The following GATAD2A variants were observed in gnomAD, a reference collection of about 807,000 sequenced individuals.
The protein encoded by GATAD2A is GATA zinc finger domain containing 2A, also known as transcriptional repressor p66-alpha.
GATAD2A carries 12 observed loss-of-function variants against 68.5 expected under a neutral mutation model. That is an observed-to-expected ratio of 0.18 (90% confidence interval 0.11 to 0.28). GATAD2A has a LOEUF of 0.28. Ranked by LOEUF, GATAD2A falls within the 10% of genes least tolerant of loss-of-function variation. The pLI is 1.00. For missense variants in GATAD2A, 755 were observed against 868.5 expected (o/e 0.87, Z 1.64); for synonymous variants, 410 against 375.3 (o/e 1.09, Z -1.07).
intron 1 of GATAD2A, among the ~76,000 whole-genome samples, chr19:19,389,910 A>ATG (rs2048722380): frequency 6.6e-6 from 1 of 152,048 alleles, no homozygotes; most frequent in African/African-American, 2.4e-5. Flanking sequence ...CCACAGGCGC[A>ATG]TGCCACCACG....
chr19:19,447,141 G>A (rs2055817941), intron 1 of GATAD2A, among the ~76,000 whole-genome samples: 1 of 152,182 alleles, frequency 6.6e-6, no homozygotes, highest in African/African-American at 2.4e-5. Flanking sequence ...GTGGTGATGA[G>A]GCAGGAAAGG....
chr19:19,409,014 CTT>C (rs5827448), intron 1 of GATAD2A, among the ~76,000 whole-genome samples: 16 of 116,480 alleles, frequency 1.4e-4, no homozygotes, highest in Admixed American at 1.8e-4. Context: ...GAAATGTTGG[CTT>C]TTTTTTTTTT....
At chr19:19,391,269 G>A (rs1305784176) in intron 1 of GATAD2A, among the ~76,000 whole-genome samples, 1 of 152,144 alleles carries the variant, frequency 6.6e-6, no homozygotes, top group African/African-American at 2.4e-5. Context: ...TCCTATGTTT[G>A]AAGAAAGGGT....
intron 4 of GATAD2A, 104 bp downstream of exon 4, chr19:19,492,816 AGGGAGTATAG>A: frequency 9.0e-7 from 1 of 1,110,120 alleles, no homozygotes; most frequent in Non-Finnish European, 1.3e-6. Context: ...GGCTTCCTTG[AGGGAGTATAG>A]GGCAAGGTCC....
chr19:19,496,192 C>T lies in GATAD2A; in HGVS notation c.897C>T (p.Asn299=), dbSNP rs1459295801. The T allele has an allele frequency of 6.2e-7, 1 of 1,613,868 alleles. No homozygotes were observed. The highest frequency in any genetic ancestry group is 8.5e-7 in the Non-Finnish European group (1 of 1,180,000). The part of the protein sequence containing the change: ...QGLIRVANVP[N]TSLLVNIPQP... Reference sequence around the variant, plus strand: ...TCATCCGCGTCGCCAATGTTCCCAACACCAGCCTGCTCGTCAACATCCCAC... The same window carrying T: ...TCATCCGCGTCGCCAATGTTCCCAATACCAGCCTGCTCGTCAACATCCCAC... The change falls in exon 7 of 12, where the codon AAC becomes AAT. Residue 299 remains asparagine (N), a synonymous_variant. Transcript: ENST00000683918.
intron 1 of GATAD2A, among the ~76,000 whole-genome samples, chr19:19,456,011 G>A (rs1023941245): frequency 1.3e-5 from 2 of 151,612 alleles, no homozygotes; most frequent in South Asian, 4.2e-4. Flanking sequence ...AAAATTAGCC[G>A]GGCATGGTGG....
chr19:19,399,460 AGCT>A (rs1438148533), intron 1 of GATAD2A, among the ~76,000 whole-genome samples: 1 of 152,074 alleles, frequency 6.6e-6, no homozygotes. Flanking sequence ...CAAAGTGCTG[AGCT>A]TACAGGTGTG....
rs1029994004 is a variant in GATAD2A at position 19,505,323 on chromosome 19, G to A, written c.1775-21G>A. 16 of 1,611,062 alleles carry A rather than the reference G, an allele frequency of 9.9e-6. No individual in the cohort carries two copies. In the African/African-American group the frequency reaches 1.9e-4, roughly 19 times the overall value. ...CCTCCTGACGAGGGCCTTCTCAGCT[G>A]GTCGCTCTGTTCTGTTGCAGGCGGG... On this transcript the variant is annotated intron_variant, in intron 11 of 11. Coordinates refer to ENST00000683918, the MANE Select transcript of GATAD2A (RefSeq NM_001384528.1).
At chr19:19,470,146 T>TTA (rs2058179044) in intron 2 of GATAD2A, among the ~76,000 whole-genome samples, 1 of 135,544 alleles carries the variant, frequency 7.4e-6, no homozygotes, top group Admixed American at 7.3e-5. Flanking sequence ...CGACTTTATT[T>TTA]TTTTTTTTGT....
At chr19:19,504,049 A>T (rs749675812) in intron 11 of GATAD2A, among the ~76,000 whole-genome samples, 1 of 152,062 alleles carries the variant, frequency 6.6e-6, no homozygotes, top group African/African-American at 2.4e-5. Flanking sequence ...TCTACAAAAA[A>T]ATAATTAGCC....
chr19:19,500,914 C>T (rs749161500), intron 8 of GATAD2A, among the ~76,000 whole-genome samples: 9 of 152,218 alleles, frequency 5.9e-5, no homozygotes, highest in Admixed American at 1.3e-4. Flanking sequence ...TCATGTCCAG[C>T]GATGGGTGGG....
intron 1 of GATAD2A, among the ~76,000 whole-genome samples, chr19:19,425,704 G>A (rs2052993561): frequency 6.6e-6 from 1 of 152,152 alleles, no homozygotes; most frequent in Non-Finnish European, 1.5e-5. Context: ...GCTCCCCAGT[G>A]CAGCAACTCC....
chr19:19,404,130 TGTGTTTGGGGAG>T (rs1198229985), upstream of GATAD2A, among the ~76,000 whole-genome samples: 1 of 151,804 alleles, frequency 6.6e-6, no homozygotes, highest in Non-Finnish European at 1.5e-5. Context: ...GGCAGGGCGG[TGTGTTTGGGGAG>T]GTGTGAGGTG....
intron 1 of GATAD2A, among the ~76,000 whole-genome samples, chr19:19,393,195 C>T (rs1043214667): frequency 2.1e-4 from 32 of 152,030 alleles, no homozygotes; most frequent in East Asian, 7.8e-4. Context: ...CCCAGCTACT[C>T]GGGAGGCTGA....
At chr19:19,417,517 C>CG (rs1197209404) in intron 1 of GATAD2A, among the ~76,000 whole-genome samples, 1 of 151,962 alleles carries the variant, frequency 6.6e-6, no homozygotes, top group Non-Finnish European at 1.5e-5. Flanking sequence ...GTGTTGGGTG[C>CG]GGGGGGTGGA....
chr19:19,420,105 G>A (rs182988920), intron 1 of GATAD2A, among the ~76,000 whole-genome samples: 23 of 143,014 alleles, frequency 1.6e-4, no homozygotes, highest in Admixed American at 5.1e-4. Flanking sequence ...CTACTTCCCA[G>A]GTTCAAGCGA....
At chr19:19,435,262 C>T (rs1236921800) in intron 1 of GATAD2A, 5 of 414,160 alleles carry the variant, frequency 1.2e-5, no homozygotes, top group Non-Finnish European at 2.6e-5. Context: ...CACTCTGTCG[C>T]CCAGGTTGGA....
intron 1 of GATAD2A, among the ~76,000 whole-genome samples, chr19:19,418,188 G>A (rs1252471589): frequency 6.6e-6 from 1 of 152,150 alleles, no homozygotes; most frequent in Admixed American, 6.5e-5. Flanking sequence ...TGATGGCCGA[G>A]GATGCAGTGG....
rs763165606 is a variant in GATAD2A at position 19,498,454 on chromosome 19, A to G, written c.936A>G (p.Ala312=). 1 of 1,601,576 alleles carries G rather than the reference A, an allele frequency of 6.2e-7. No homozygotes were observed. Among genetic ancestry groups the G allele is most frequent in the Non-Finnish European group, 8.5e-7 (1 of 1,169,648 alleles). The stretch of plus-strand genomic sequence containing the variant: ...TTTGTCTCCCAAAGCCCACCCCAGC[A>G]TCACTGAAGGGGACAACAGCCACCT... The part of the protein sequence containing the change: ...LLVNIPQPTP[A]SLKGTTATSA... The change falls in exon 8 of 12, where the codon GCA becomes GCG. Residue 312 remains alanine, a synonymous_variant. Coordinates refer to ENST00000683918, the MANE Select transcript of GATAD2A (RefSeq NM_001384528.1).
Sources: gnomAD v4.1 joint callset for allele counts (sites outside exome capture counted in the v4.1 genomes callset) on GRCh38, gnomAD v4.1.1 for gene constraint, MANE v1.5 for transcripts, NCBI Gene and HGNC (gene_info 2026-07-23, HGNC 2026-07-21) for gene names.